NT5DC3: variants seen among roughly 807,000 people sequenced by gnomAD.
NT5DC3 encodes the protein 5'-nucleotidase domain-containing protein 3.
NT5DC3 carries 42 observed loss-of-function variants against 67.8 expected under a neutral mutation model. That is an observed-to-expected ratio of 0.62 (90% CI 0.48 to 0.80). The LOEUF is 0.80. Among genes scored for constraint, NT5DC3 ranks in the 30% least tolerant of loss-of-function variants. The pLI, the probability that NT5DC3 is intolerant of heterozygous loss-of-function variation, is 0.00. For missense variants in NT5DC3, 570 were observed against 696.4 expected (o/e 0.82, Z 2.04); for synonymous variants, 237 against 255.6 (o/e 0.93, Z 0.69).
At chr12:103,772,172 T>C, downstream of NT5DC3, 1 of 152,120 alleles carries the variant, frequency 6.6e-6, no homozygotes, top group Non-Finnish European at 1.5e-5. Flanking sequence ...ATCCAAGATC[T>C]CCTTTATCTA....
chr12:103,758,710 G>A, the NT5DC3 span, among the ~76,000 whole-genome samples: 1 of 152,214 alleles, frequency 6.6e-6, no homozygotes, highest in Admixed American at 6.5e-5. Context: ...TGCAGGGAGT[G>A]GGGAAGAACC....
At chr12:103,792,877 C>T (rs1866293) in intron 9 of NT5DC3, among the ~76,000 whole-genome samples, 55,973 of 152,078 alleles carry the variant, frequency 0.37, 11,393 homozygotes, top group East Asian at 0.88. Flanking sequence ...TAATTTACTA[C>T]GTGATAATAA....
chr12:103,783,921 A>C (rs912876006), intron 12 of NT5DC3, among the ~76,000 whole-genome samples: 2 of 152,144 alleles, frequency 1.3e-5, no homozygotes, highest in Non-Finnish European at 1.5e-5. Context: ...CCTTGCCTAT[A>C]CCCGAATCCT....
intron 5 of NT5DC3, among the ~76,000 whole-genome samples, chr12:103,797,678 T>C (rs1886379801): frequency 2.6e-5 from 4 of 152,080 alleles, no homozygotes; most frequent in Admixed American, 2.6e-4. Flanking sequence ...AGCAAACAAA[T>C]TATTGCCCAT....
the NT5DC3 span, among the ~76,000 whole-genome samples, chr12:103,760,711 C>T: frequency 6.6e-6 from 1 of 152,200 alleles, no homozygotes; most frequent in East Asian, 1.9e-4. Flanking sequence ...GAGAGTAGTG[C>T]CTGACAGGTA....
At chr12:103,797,223 A>AGGTGGG (rs1186901683) in intron 5 of NT5DC3, among the ~76,000 whole-genome samples, 192 bp from the exon 6 acceptor site, 1 of 152,172 alleles carries the variant, frequency 6.6e-6, no homozygotes, top group African/African-American at 2.4e-5. Context: ...TAATCCCAGC[A>AGGTGGG]CTTTGGGAGG....
chr12:103,796,745 G>A (rs12425205), intron 6 of NT5DC3, 149 bp downstream of exon 6: 540,352 of 715,312 alleles, frequency 0.76, 206,622 homozygotes, highest in South Asian at 0.94. Context: ...CATCTTTCTT[G>A]TAATGTTCAA....
chr12:103,763,480 C>G, the NT5DC3 span: 62,347 of 1,612,940 alleles, frequency 0.039, 1,422 homozygotes, highest in South Asian at 0.066. Flanking sequence ...TCATGCTTGT[C>G]TTTCCAAACA....
chr12:103,778,982 C>T (rs1027178913), intron 13 of NT5DC3, among the ~76,000 whole-genome samples: 5 of 152,150 alleles, frequency 3.3e-5, no homozygotes, highest in Non-Finnish European at 5.9e-5. Flanking sequence ...CCCGATGGTA[C>T]ACAGAGGAAT....
chr12:103,835,948 C>T (rs967664758), intron 1 of NT5DC3, among the ~76,000 whole-genome samples: 9 of 152,298 alleles, frequency 5.9e-5, no homozygotes, highest in Non-Finnish European at 7.4e-5. Context: ...AGACACTTCT[C>T]ACATGGCGGC....
chr12:103,840,860 G>T, intron 1 of NT5DC3, 89 bp downstream of exon 1: 1 of 639,516 alleles, frequency 1.6e-6, no homozygotes, highest in Non-Finnish European at 2.3e-6. Context: ...GTCCGCAGCT[G>T]GGCTGGTCCG....
the NT5DC3 span, chr12:103,746,809 C>A: frequency 1.8e-6 from 2 of 1,099,908 alleles, no homozygotes; most frequent in Non-Finnish European, 2.8e-6. Flanking sequence ...CCTGTCTGGG[C>A]CACTTCAGCA....
In NT5DC3 at chr12:103,809,102, C is replaced by CATAATCA. The variant is rs1455535658; in HGVS notation, c.394-2180_394-2174dup. Among the ~76,000 whole-genome samples, 22 of 152,360 alleles carry CATAATCA rather than the reference C, an allele frequency of 1.4e-4. No individual in the cohort carries two copies. In the East Asian group the frequency reaches 3.9e-3, roughly 27 times the overall value. On this transcript the variant is annotated intron_variant, in intron 2 of 13. Transcript: ENST00000392876. ...CACCCAAGTCCACCCCTAACCACCA[C>CATAATCA]ATAATCAATTCTGAACCAACTCTGA...
chr12:103,840,373 CA>C, intron 1 of NT5DC3, among the ~76,000 whole-genome samples: 5 of 130,788 alleles, frequency 3.8e-5, no homozygotes, highest in African/African-American at 1.4e-4. Context: ...TCAAACACCG[CA>C]CAGCTCATCT....
the NT5DC3 span, among the ~76,000 whole-genome samples, chr12:103,751,206 C>G: frequency 2.6e-5 from 4 of 152,114 alleles, no homozygotes; most frequent in Non-Finnish European, 5.9e-5. Flanking sequence ...CAGATGTGGT[C>G]TCTGGTGGAG....
chr12:103,758,336 A>G, the NT5DC3 span: 6 of 1,605,928 alleles, frequency 3.7e-6, no homozygotes, highest in African/African-American at 8.0e-5. Flanking sequence ...CATGTTATCT[A>G]TCACCACAAC....
intron 11 of NT5DC3, among the ~76,000 whole-genome samples, chr12:103,786,224 A>C (rs967426967): frequency 6.6e-6 from 1 of 152,178 alleles, no homozygotes; most frequent in Non-Finnish European, 1.5e-5. Flanking sequence ...ATCAAGCAGA[A>C]TAACAGGATA....
intron 4 of NT5DC3, among the ~76,000 whole-genome samples, chr12:103,801,277 G>A (rs1886562984): frequency 6.6e-6 from 1 of 151,332 alleles, no homozygotes; most frequent in Non-Finnish European, 1.5e-5. Flanking sequence ...GCCCCTTCTG[G>A]TGTGAAAGAG....
chr12:103,794,893 G>T (rs1886246533), intron 6 of NT5DC3, among the ~76,000 whole-genome samples: 1 of 152,358 alleles, frequency 6.6e-6, no homozygotes, highest in Middle Eastern at 3.4e-3. Flanking sequence ...TAGCTGGCAG[G>T]TGTCAAAACA....
Sources: allele counts gnomAD v4.1 joint callset (sites outside exome capture counted in the v4.1 genomes callset), GRCh38; gene constraint gnomAD v4.1.1; transcripts MANE v1.5; gene names NCBI Gene and HGNC (gene_info 2026-07-23, HGNC 2026-07-21).